DIS3L2: variants seen among roughly 807,000 people sequenced by gnomAD.
The protein encoded by DIS3L2 is DIS3 like 3'-5' exoribonuclease 2.
In DIS3L2, 34 loss-of-function variants were observed where a neutral mutation model predicts 97.5. The observed-to-expected ratio is 0.35, with a 90% CI of 0.27 to 0.46. The LOEUF (loss-of-function observed/expected upper bound fraction) is 0.46. Among genes scored for constraint, DIS3L2 ranks in the 20% least tolerant of loss-of-function variants. DIS3L2 has a pLI of 1.00. For synonymous variants in DIS3L2, 435 were observed against 445.2 expected, an observed-to-expected ratio of 0.98 and a Z score of 0.29; for missense variants, 1,038 against 1,146.0, an observed-to-expected ratio of 0.91 and a Z score of 1.36.
At chr2:232,185,693 C>T (rs1696298810) in intron 9 of DIS3L2, among the ~76,000 whole-genome samples, 1 of 151,900 alleles carries the variant, frequency 6.6e-6, no homozygotes, top group African/African-American at 2.4e-5. Flanking sequence ...AAACAAAAAA[C>T]CCCAAAATTA....
At chr2:232,233,535 T>C (rs185786471) in intron 10 of DIS3L2, among the ~76,000 whole-genome samples, 278 of 152,308 alleles carry the variant, frequency 1.8e-3, no homozygotes, top group Non-Finnish European at 2.8e-3. Flanking sequence ...AGCAAATATC[T>C]ATCACAACAC....
At chr2:232,225,479 A>G (rs1268187358) in intron 10 of DIS3L2, among the ~76,000 whole-genome samples, 13 of 152,314 alleles carry the variant, frequency 8.5e-5, no homozygotes, top group African/African-American at 3.1e-4. Flanking sequence ...ATAGATATAT[A>G]CCATATGAAT....
At chr2:232,335,601 T>G in intron 19 of DIS3L2, 172 bp from the exon 20 acceptor site, 1 of 687,020 alleles carries the variant, frequency 1.5e-6, no homozygotes, top group Non-Finnish European at 2.5e-6. Flanking sequence ...TCTCACCTGC[T>G]GCCTCAGCTG....
intron 9 of DIS3L2, among the ~76,000 whole-genome samples, chr2:232,182,431 A>G (rs945865855): frequency 3.3e-5 from 5 of 152,114 alleles, no homozygotes; most frequent in Admixed American, 2.6e-4. Context: ...TATCTGTTAG[A>G]TCTAATTGAT....
intron 13 of DIS3L2, among the ~76,000 whole-genome samples, chr2:232,283,001 T>C (rs1202617765): frequency 6.6e-6 from 1 of 152,228 alleles, no homozygotes; most frequent in East Asian, 1.9e-4. Flanking sequence ...ATTTAAGGGC[T>C]GGCATGGTCA....
Position 232,136,594 on chromosome 2 carries a change from G to A in DIS3L2, c.825G>A (p.Val275=). The A allele has an allele frequency of 1.9e-6, 3 of 1,614,022 alleles. No individual in the cohort carries two copies. Among genetic ancestry groups the A allele is most frequent in the Non-Finnish European group, 2.5e-6 (3 of 1,179,966 alleles). ...YALFSPSDHR[V]PRIYVPLKDC... ...TGTTTTCTCCCTCAGACCACCGAGT[G>A]CCTAGAATTTATGTGCCTCTCAAGG... The change falls in exon 8 of 21, where the codon GTG becomes GTA. Residue 275 remains valine (V), a synonymous_variant. Coordinates refer to ENST00000325385, the MANE Select transcript of DIS3L2 (RefSeq NM_152383.5).
At chr2:232,166,541 C>A (rs1014794084) in intron 9 of DIS3L2, among the ~76,000 whole-genome samples, 1 of 152,120 alleles carries the variant, frequency 6.6e-6, no homozygotes, top group Non-Finnish European at 1.5e-5. Flanking sequence ...CATGGTGAAA[C>A]CTCATCTCTA....
chr2:232,294,704 C>T (rs1300002736), intron 13 of DIS3L2, among the ~76,000 whole-genome samples: 21 of 152,212 alleles, frequency 1.4e-4, no homozygotes, highest in Non-Finnish European at 2.4e-4. Context: ...TCAGACACTA[C>T]ACCCAGTGAT....
chr2:232,153,792 G>C (rs540399614), intron 8 of DIS3L2, among the ~76,000 whole-genome samples: 4 of 152,000 alleles, frequency 2.6e-5, no homozygotes, highest in Admixed American at 6.5e-5. Flanking sequence ...ATCCTGCAGA[G>C]TGTTTTCCAA....
chr2:232,128,204 C>T (rs1698120144), intron 6 of DIS3L2, among the ~76,000 whole-genome samples: 1 of 152,092 alleles, frequency 6.6e-6, no homozygotes, highest in Admixed American at 6.5e-5. Context: ...GATCCTCCCA[C>T]TTCAGCCTCC....
intron 6 of DIS3L2, among the ~76,000 whole-genome samples, chr2:232,104,667 A>T (rs1394260167): frequency 6.6e-6 from 1 of 152,056 alleles, no homozygotes; most frequent in African/African-American, 2.4e-5. Flanking sequence ...GAATCATACA[A>T]TATTCTTTTG....
intron 11 of DIS3L2, among the ~76,000 whole-genome samples, chr2:232,243,047 G>A (rs2106257569): frequency 6.6e-6 from 1 of 152,334 alleles, no homozygotes; most frequent in Non-Finnish European, 1.5e-5. Context: ...CTACCTTCAG[G>A]TACAGAAGTG....
At chr2:232,190,630 AAGAGAAAGAAAG>A (rs1230965030) in intron 9 of DIS3L2, among the ~76,000 whole-genome samples, 5 of 152,020 alleles carry the variant, frequency 3.3e-5, no homozygotes, top group African/African-American at 7.3e-5. Context: ...GGAAGAAAGA[AAGAGAAAGAAAG>A]AGAGAAAGAA....
chr2:232,174,569 G>C (rs945321767), intron 9 of DIS3L2, among the ~76,000 whole-genome samples: 4 of 119,410 alleles, frequency 3.3e-5, no homozygotes, highest in African/African-American at 1.3e-4. Flanking sequence ...CAGGGTAACA[G>C]AGTGAGACTC....
intron 1 of DIS3L2, among the ~76,000 whole-genome samples, chr2:231,964,270 CT>C (rs1692648203): frequency 6.6e-6 from 1 of 152,070 alleles, no homozygotes; most frequent in Non-Finnish European, 1.5e-5. Context: ...TGAACTGATC[CT>C]TTTCTGGGGA....
chr2:232,128,855 CTG>C lies in DIS3L2; in HGVS notation c.602-1762_602-1761del, dbSNP rs1698143377. On this transcript the variant is annotated intron_variant, in intron 6 of 20. Coordinates refer to ENST00000325385, the MANE Select transcript of DIS3L2 (RefSeq NM_152383.5). ...CATTGTGTTTCTTTATATCCATTGA[CTG>C]TTATCTGTGATTCTCACCTGTAAGG... is the stretch of plus-strand genomic sequence containing the variant. Among the ~76,000 whole-genome samples, 3 of 152,258 alleles carry C rather than the reference CTG, an allele frequency of 2.0e-5. No homozygotes were observed. In the South Asian group the frequency reaches 6.2e-4, roughly 32 times the overall value.
intron 1 of DIS3L2, among the ~76,000 whole-genome samples, chr2:231,995,511 G>C (rs1693708789): frequency 1.3e-5 from 2 of 151,980 alleles, no homozygotes. Context: ...CCCCTTCAAG[G>C]GTCTGAGTTT....
chr2:232,032,759 A>T (rs1051361215), intron 5 of DIS3L2, among the ~76,000 whole-genome samples: 1 of 152,130 alleles, frequency 6.6e-6, no homozygotes, highest in Non-Finnish European at 1.5e-5. Context: ...TCCTTTCCCC[A>T]TTGCTTGTTT....
intron 16 of DIS3L2, 85 bp from the exon 17 acceptor site, chr2:232,333,755 C>CGAGATTCAA: frequency 4.0e-6 from 6 of 1,488,962 alleles, no homozygotes; most frequent in East Asian, 2.3e-5. Flanking sequence ...TCGCTGCCGA[C>CGAGATTCAA]GGTGAGGCTG....
Sources: allele counts gnomAD v4.1 joint callset (sites outside exome capture counted in the v4.1 genomes callset), GRCh38; gene constraint gnomAD v4.1.1; transcripts MANE v1.5; gene names NCBI Gene and HGNC (gene_info 2026-07-23, HGNC 2026-07-21).